Variants in TENM2 observed in about 807,000 individuals in gnomAD.
TENM2 encodes teneurin transmembrane protein 2.
Under a neutral mutation model 245.2 loss-of-function variants are expected in TENM2, and 52 were observed. That is an observed-to-expected ratio of 0.21 (90% CI 0.17 to 0.27). TENM2 has a LOEUF of 0.27. Among genes scored for constraint, TENM2 ranks in the 10% least tolerant of loss-of-function variants. The pLI, the probability that TENM2 is intolerant of heterozygous loss-of-function variation, is 1.00. For synonymous variants in TENM2, 1,363 were observed against 1,438.9 expected, an observed-to-expected ratio of 0.95 and a Z score of 1.19; for missense variants, 3,046 against 3,666.8, an observed-to-expected ratio of 0.83 and a Z score of 4.37.
At chr5:167,051,480 T>C in the TENM2 span, among the ~76,000 whole-genome samples, 106 of 151,856 alleles carry the variant, frequency 7.0e-4, no homozygotes, top group African/African-American at 2.4e-3. Context: ...AGACATCAGA[T>C]TGAATCATGC....
chr5:168,086,709 A>G (rs1014759078), intron 7 of TENM2, among the ~76,000 whole-genome samples: 1 of 152,204 alleles, frequency 6.6e-6, no homozygotes, highest in Non-Finnish European at 1.5e-5. Flanking sequence ...TCTTTAGTCA[A>G]CGAGGCACAG....
intron 13 of TENM2, among the ~76,000 whole-genome samples, chr5:168,179,974 C>T (rs1759719967): frequency 6.6e-6 from 1 of 152,214 alleles, no homozygotes. Flanking sequence ...ACAGGGTCCC[C>T]ACTCTAAAAT....
intron 13 of TENM2, among the ~76,000 whole-genome samples, chr5:168,174,935 C>T (rs2152477929): frequency 6.6e-6 from 1 of 152,242 alleles, no homozygotes; most frequent in Non-Finnish European, 1.5e-5. Context: ...TGGTAGCTGG[C>T]CCTGGTTCCT....
the TENM2 span, among the ~76,000 whole-genome samples, chr5:167,192,486 G>A: frequency 6.6e-6 from 1 of 152,042 alleles, no homozygotes; most frequent in African/African-American, 2.4e-5. Context: ...AGAAAGGAGT[G>A]TAGGTAAGGT....
chr5:167,272,312 G>A, the TENM2 span, among the ~76,000 whole-genome samples: 1 of 152,112 alleles, frequency 6.6e-6, no homozygotes, highest in Non-Finnish European at 1.5e-5. Context: ...TTGGGAAACA[G>A]GCAAAACAGA....
At chr5:167,820,487 C>A (rs1187284408) in intron 2 of TENM2, among the ~76,000 whole-genome samples, 1 of 152,144 alleles carries the variant, frequency 6.6e-6, no homozygotes, top group African/African-American at 2.4e-5. Context: ...GCAGCCAGGA[C>A]CTTGGCAGGT....
At chr5:167,703,530 C>CAAAAAAAAAAAAAAAAAA (rs747603141) in intron 2 of TENM2, among the ~76,000 whole-genome samples, 1 of 97,168 alleles carries the variant, frequency 1.0e-5, no homozygotes, top group African/African-American at 3.2e-5. Flanking sequence ...GAAACCATCT[C>CAAAAAAAAAAAAAAAAAA]AAAAAAAAAA....
At chr5:167,234,320 C>T in the TENM2 span, among the ~76,000 whole-genome samples, 5 of 152,108 alleles carry the variant, frequency 3.3e-5, no homozygotes, top group Non-Finnish European at 4.4e-5. Context: ...TACTCTTCTT[C>T]GCTCTAACTG....
At chr5:167,656,247 A>C (rs972837420) in intron 2 of TENM2, among the ~76,000 whole-genome samples, 1 of 152,298 alleles carries the variant, frequency 6.6e-6, no homozygotes, top group East Asian at 1.9e-4. Flanking sequence ...ATGGGCCATA[A>C]TGGTAGAGAA....
At chr5:167,698,217 C>T (rs279413) in intron 2 of TENM2, among the ~76,000 whole-genome samples, 71,126 of 152,054 alleles carry the variant, frequency 0.47, 19,609 homozygotes, top group East Asian at 0.81. Flanking sequence ...TTGTTTTTAC[C>T]TTCGTAACTA....
intron 1 of TENM2, chr5:167,287,417 A>G (rs1741174321): frequency 6.6e-6 from 1 of 152,240 alleles, no homozygotes; most frequent in Non-Finnish European, 1.5e-5. Context: ...AACAAGGATC[A>G]TAGTGGGATC....
intron 3 of TENM2, among the ~76,000 whole-genome samples, chr5:167,916,418 G>A (rs903181384): frequency 2.0e-5 from 3 of 152,058 alleles, no homozygotes; most frequent in Non-Finnish European, 2.9e-5. Flanking sequence ...GTGAGAAGCA[G>A]CAATCTTCAT....
chr5:167,660,796 A>T (rs1755161635), intron 2 of TENM2, among the ~76,000 whole-genome samples: 1 of 152,140 alleles, frequency 6.6e-6, no homozygotes, highest in Non-Finnish European at 1.5e-5. Context: ...TCTGTATTAC[A>T]TATTTTATGT....
At chr5:168,035,416 G>A (rs898968484) in intron 5 of TENM2, among the ~76,000 whole-genome samples, 16 of 150,418 alleles carry the variant, frequency 1.1e-4, no homozygotes, top group African/African-American at 3.9e-4. Flanking sequence ...AGAATCCCTT[G>A]AACCTGGGAG....
intron 5 of TENM2, among the ~76,000 whole-genome samples, chr5:167,995,901 C>T (rs886211785): frequency 6.6e-6 from 1 of 152,110 alleles, no homozygotes; most frequent in African/African-American, 2.4e-5. Context: ...GGCAGAAAGA[C>T]AACATGAAAA....
chr5:166,996,505 T>C, the TENM2 span, among the ~76,000 whole-genome samples: 1 of 152,242 alleles, frequency 6.6e-6, no homozygotes, highest in African/African-American at 2.4e-5. Flanking sequence ...CAGTGTTAAT[T>C]AGTGTGGCTC....
intron 13 of TENM2, among the ~76,000 whole-genome samples, chr5:168,164,076 C>T (rs1294335987): frequency 1.3e-5 from 2 of 152,304 alleles, no homozygotes; most frequent in African/African-American, 4.8e-5. Flanking sequence ...CTAGGCAAGA[C>T]TCTTGGTGAG....
intron 3 of TENM2, among the ~76,000 whole-genome samples, chr5:167,934,536 C>G (rs1033824679): frequency 1.2e-4 from 19 of 152,258 alleles, no homozygotes; most frequent in African/African-American, 4.1e-4. Flanking sequence ...CTCTGGAAAA[C>G]AAGTACCGAT....
At chr5:167,891,589 C>T (rs527368009) in intron 3 of TENM2, among the ~76,000 whole-genome samples, 2 of 152,270 alleles carry the variant, frequency 1.3e-5, no homozygotes, top group South Asian at 2.1e-4. Context: ...AAGGGAGTTA[C>T]AAGCAGAATT....
Sources: gnomAD v4.1 joint callset for allele counts (sites outside exome capture counted in the v4.1 genomes callset) on GRCh38, gnomAD v4.1.1 for gene constraint, MANE v1.5 for transcripts, NCBI Gene and HGNC (gene_info 2026-07-23, HGNC 2026-07-21) for gene names.